The following AFAP1L2 variants were observed in gnomAD, a reference collection of about 807,000 sequenced individuals.
AFAP1L2 encodes actin filament associated protein 1 like 2, also known as actin filament-associated protein 1-like 2.
AFAP1L2 carries 46 observed loss-of-function variants against 99.3 expected under a neutral mutation model. The ratio of observed to expected loss-of-function variants is 0.46; its 90% CI spans 0.37 to 0.59. The LOEUF is 0.59. AFAP1L2 is among the 20% of genes least tolerant of loss of function. The probability of loss-of-function intolerance (pLI) is 0.00; values close to 1 mark genes in which losing one functional copy is unlikely to be tolerated. For missense variants in AFAP1L2, 959 were observed against 1,034.9 expected (o/e 0.93, Z 1.01); for synonymous variants, 397 against 419.1 (o/e 0.95, Z 0.64).
intron 1 of AFAP1L2, among the ~76,000 whole-genome samples, chr10:114,373,922 C>T (rs1446711112): frequency 6.6e-6 from 1 of 152,142 alleles, no homozygotes; most frequent in Admixed American, 6.5e-5. Flanking sequence ...CAGCCTAGGT[C>T]CACAGCGGAC....
Position 114,295,778 on chromosome 10 carries a change from AAC to A in AFAP1L2, c.*262_*263del. The A allele has an allele frequency of 8.3e-7, 1 of 1,206,486 alleles. No individual in the cohort carries two copies. Among genetic ancestry groups the A allele is most frequent in the Non-Finnish European group, 1.0e-6 (1 of 969,256 alleles). 74.7% of individuals were successfully genotyped at this position (1,206,486 alleles called of 1,614,324 possible). A position where few individuals can be genotyped will look rare whatever the true frequency, so the allele number is the denominator to read the frequency against. On this transcript the variant is annotated 3_prime_UTR_variant, in exon 19 of 19. Transcript: ENST00000304129. ...TGATGACAACTTCAAAAAAGAAAGA[AAC>A]ACAGAACATCCCTAAATACAACGTC... is the stretch of plus-strand genomic sequence containing the variant.
At chr10:114,284,995 A>C in the AFAP1L2 span, 24 of 1,539,214 alleles carry the variant, frequency 1.6e-5, no homozygotes, top group Non-Finnish European at 1.9e-5. Flanking sequence ...GCCCTGCAAG[A>C]CTGACCACTG....
At chr10:114,301,145 A>G (rs900914140) in intron 13 of AFAP1L2, among the ~76,000 whole-genome samples, 3 of 152,328 alleles carry the variant, frequency 2.0e-5, no homozygotes, top group South Asian at 2.1e-4. Context: ...TTTCATCTAG[A>G]TAAGTCCCCA....
chr10:114,298,115 C>T (rs939678548), intron 16 of AFAP1L2, among the ~76,000 whole-genome samples: 2 of 152,212 alleles, frequency 1.3e-5, no homozygotes, highest in South Asian at 2.1e-4. Flanking sequence ...CGGTGGTTCA[C>T]GCCTGTAATC....
At chr10:114,321,036 AGCAGGAGGTG>A (rs1323840974) in intron 5 of AFAP1L2, among the ~76,000 whole-genome samples, 1 of 152,230 alleles carries the variant, frequency 6.6e-6, no homozygotes, top group Admixed American at 6.5e-5. Context: ...CAGAGTTCCC[AGCAGGAGGTG>A]GCAGGTAAGT....
chr10:114,289,626 A>G, the AFAP1L2 span: 6 of 949,608 alleles, frequency 6.3e-6, no homozygotes, highest in Non-Finnish European at 9.7e-6. Flanking sequence ...GTTCTGTGCT[A>G]AACCCCATGC....
downstream of AFAP1L2, chr10:114,290,317 T>A: frequency 6.4e-7 from 1 of 1,550,574 alleles, no homozygotes; most frequent in Non-Finnish European, 8.7e-7. Context: ...GAATGGGAGC[T>A]ACCGCTGCAA....
At chr10:114,371,294 G>A (rs1029634618) in intron 1 of AFAP1L2, among the ~76,000 whole-genome samples, 2 of 152,118 alleles carry the variant, frequency 1.3e-5, no homozygotes, top group Non-Finnish European at 2.9e-5. Context: ...AGAAGGTGAT[G>A]GAAAGGAGAA....
In AFAP1L2 at chr10:114,331,905, C is replaced by A. The variant is rs2047295845; in HGVS notation, c.221-8G>T. ...GGCCCTGCTCCTCAGGCGCTGCGGGCAGCAAAAGGAAAAGGCTTCGGTGAG... is the reference window on the plus strand; with the variant it reads ...GGCCCTGCTCCTCAGGCGCTGCGGGAAGCAAAAGGAAAAGGCTTCGGTGAG... On this transcript the variant is annotated splice_polypyrimidine_tract_variant and splice_region_variant and intron_variant, in intron 3 of 18. Transcript: ENST00000304129. 7.7e-7 allele frequency: 1 copy of A among 1,293,314 alleles called. No individual in the cohort carries two copies. Among genetic ancestry groups the A allele is most frequent in the South Asian group, 2.7e-5 (1 of 37,224 alleles). 80.1% of individuals were successfully genotyped at this position (1,293,314 alleles called of 1,614,324 possible). A position where few individuals can be genotyped will look rare whatever the true frequency, so the allele number is the denominator to read the frequency against.
chr10:114,385,846 G>T (rs1345977321), intron 1 of AFAP1L2, among the ~76,000 whole-genome samples: 1 of 152,140 alleles, frequency 6.6e-6, no homozygotes, highest in Non-Finnish European at 1.5e-5. Context: ...TTTTCTTATT[G>T]GAACCCTTCT....
intron 1 of AFAP1L2, among the ~76,000 whole-genome samples, chr10:114,394,688 T>C (rs1423002633): frequency 6.6e-6 from 1 of 152,192 alleles, no homozygotes; most frequent in Non-Finnish European, 1.5e-5. Flanking sequence ...AGCGTGAGCC[T>C]GTGCGTCCAA....
rs2040029329 is a variant in AFAP1L2 at position 114,295,290 on chromosome 10, CTG to C, written c.*750_*751del. The C allele has an allele frequency of 1.0e-6, 1 of 984,736 alleles. No homozygotes were observed. The highest frequency in any genetic ancestry group is 6.1e-5 in the Admixed American group (1 of 16,262). The allele number at this position is 984,736 out of a possible 1,614,324, so 61.0% of individuals were successfully genotyped here. On this transcript the variant is annotated 3_prime_UTR_variant, in exon 19 of 19. Transcript: ENST00000304129. ...CTTTAATCTCAAAAGATACTTTTCA[CTG>C]TTCTAAATGACAGGATTTTAAGCAT...
the AFAP1L2 span, chr10:114,286,505 C>T: frequency 2.0e-5 from 32 of 1,564,814 alleles, no homozygotes; most frequent in Non-Finnish European, 2.5e-5. Flanking sequence ...CAGCCGGCAG[C>T]GGCCAGGTAA....
intron 10 of AFAP1L2, 145 bp from the exon 11 acceptor site, chr10:114,305,075 A>G: frequency 1.7e-6 from 1 of 589,292 alleles, no homozygotes; most frequent in Non-Finnish European, 2.9e-6. Context: ...GCAAGAGGGG[A>G]CTGGGCTCCA....
chr10:114,296,210 T>C (rs2040202605), intron 18 of AFAP1L2, 142 bp from the exon 19 acceptor site: 2 of 1,132,166 alleles, frequency 1.8e-6, no homozygotes, highest in African/African-American at 3.1e-5. Flanking sequence ...AAACCCTGTG[T>C]GTTCATCACT....
chr10:114,372,329 C>A (rs975527143), intron 1 of AFAP1L2, among the ~76,000 whole-genome samples: 1 of 152,158 alleles, frequency 6.6e-6, no homozygotes, highest in African/African-American at 2.4e-5. Context: ...AACACCAAGC[C>A]CAGCCTTGGG....
intron 1 of AFAP1L2, among the ~76,000 whole-genome samples, chr10:114,403,828 T>C (rs1333644224): frequency 6.6e-6 from 1 of 152,060 alleles, no homozygotes; most frequent in Non-Finnish European, 1.5e-5. Context: ...TGCCGGGCAC[T>C]CCATTCGGCC....
chr10:114,389,880 C>T (rs1022061753), intron 1 of AFAP1L2, among the ~76,000 whole-genome samples: 8 of 152,320 alleles, frequency 5.3e-5, no homozygotes, highest in African/African-American at 1.4e-4. Flanking sequence ...GGAGTCTCCT[C>T]CCCATCCTTT....
At chr10:114,356,066 C>G (rs1451838189) in intron 1 of AFAP1L2, among the ~76,000 whole-genome samples, 1 of 152,122 alleles carries the variant, frequency 6.6e-6, no homozygotes, top group Admixed American at 6.6e-5. Flanking sequence ...ACATTTCTTA[C>G]CATGTATATA....
Sources: gnomAD v4.1 joint callset for allele counts (sites outside exome capture counted in the v4.1 genomes callset) on GRCh38, gnomAD v4.1.1 for gene constraint, MANE v1.5 for transcripts, NCBI Gene and HGNC (gene_info 2026-07-23, HGNC 2026-07-21) for gene names.